Variants in GRHL3 observed in about 807,000 individuals in gnomAD.
GRHL3 encodes grainyhead like transcription factor 3.
GRHL3 carries 20 observed loss-of-function variants against 70.3 expected under a neutral mutation model. The observed-to-expected ratio is 0.28, with a 90% CI of 0.20 to 0.41. The LOEUF (loss-of-function observed/expected upper bound fraction) is 0.41. Among genes scored for constraint, GRHL3 ranks in the 10% least tolerant of loss-of-function variants. The pLI, the probability that GRHL3 is intolerant of heterozygous loss-of-function variation, is 1.00. For missense variants in GRHL3, 637 were observed against 762.3 expected, an observed-to-expected ratio of 0.84 and a Z score of 1.94; for synonymous variants, 299 against 299.9, an observed-to-expected ratio of 1.00 and a Z score of 0.03.
intron 8 of GRHL3, among the ~76,000 whole-genome samples, chr1:24,340,206 C>T (rs192846882): frequency 2.0e-4 from 30 of 152,260 alleles, no homozygotes; most frequent in Middle Eastern, 6.8e-3. Flanking sequence ...ACTGGGGGCA[C>T]CCACGTTTCC....
Position 24,342,975 on chromosome 1 carries a change from G to A in GRHL3, c.1369G>A (p.Val457Met), listed in dbSNP as rs775989901. 1.4e-4 allele frequency: 227 copies of A among 1,613,982 alleles called. No homozygotes were observed. Among genetic ancestry groups the A allele is most frequent in the Non-Finnish European group, 1.7e-4 (206 of 1,180,036 alleles). The part of the protein sequence containing the change: ...RPETDLETPP[V>M]LFIPNVHFSS... ...AGAGACTGACCTGGAGACGCCACCC[G>A]TGCTGTTCATCCCCAATGTGCACTT... The change falls in exon 11 of 16, where the codon GTG (valine) becomes ATG (methionine). Residue 457 changes from valine (V) to methionine (M), a missense_variant. Physicochemically the swap from Val to Met is conservative, Grantham distance 21. Coordinates refer to ENST00000361548, the MANE Select transcript of GRHL3 (RefSeq NM_198173.3). This position sits in a 1 kb window ranked among gnomAD's most constrained non-coding sequence, Gnocchi z 4.8.
chr1:24,339,496 G>C (rs1478732664), intron 7 of GRHL3, among the ~76,000 whole-genome samples, 172 bp from the exon 8 acceptor site: 3 of 151,934 alleles, frequency 2.0e-5, no homozygotes, highest in Admixed American at 2.0e-4. Flanking sequence ...AGCCAGGATG[G>C]TCTCCATCTC....
In GRHL3 at chr1:24,322,803, G is replaced by A. The variant is rs548090587; in HGVS notation, c.17+3235G>A. 6.6e-6 allele frequency among the ~76,000 whole-genome samples: 1 copy of A among 152,342 alleles called. No homozygotes were observed. The highest frequency in any genetic ancestry group is 2.4e-5 in the African/African-American group (1 of 41,586). ...AAATGACAGCCAACATTTATGGAGCGCTGACTCCGCATCTGACATTGTGTC... is the reference window on the plus strand; with the variant it reads ...AAATGACAGCCAACATTTATGGAGCACTGACTCCGCATCTGACATTGTGTC... On this transcript the variant is annotated intron_variant, in intron 1 of 15. Coordinates refer to ENST00000361548, the MANE Select transcript of GRHL3 (RefSeq NM_198173.3). The surrounding 1 kb of genome is among the most constrained non-coding windows in gnomAD (Gnocchi z 4.4).
At position 24,334,740 on chromosome 1, in the gene GRHL3, C is replaced by T; in HGVS notation, c.266+34C>T. The T allele has an allele frequency of 1.3e-6, 2 of 1,568,180 alleles. No homozygotes were observed. Among genetic ancestry groups the T allele is most frequent in the South Asian group, 2.3e-5 (2 of 87,112 alleles). On this transcript the variant is annotated intron_variant, in intron 3 of 15. Coordinates refer to ENST00000361548, the MANE Select transcript of GRHL3 (RefSeq NM_198173.3). The surrounding 1 kb of genome is among the most constrained non-coding windows in gnomAD (Gnocchi z 4.3). Reference sequence around the variant, plus strand: ...TGCCAACACCCTCTGCCTCTTTGCCCTTCCCCACCTCCACCTGGAGCCTCT... The same window carrying T: ...TGCCAACACCCTCTGCCTCTTTGCCTTTCCCCACCTCCACCTGGAGCCTCT...
chr1:24,326,569 A>G (rs886989267), intron 1 of GRHL3, among the ~76,000 whole-genome samples: 14 of 152,290 alleles, frequency 9.2e-5, no homozygotes, highest in African/African-American at 2.4e-4. Context: ...ACTGCCACTA[A>G]AATGCAACCT....
intron 15 of GRHL3, among the ~76,000 whole-genome samples, chr1:24,353,485 G>T (rs1640595451): frequency 6.8e-6 from 1 of 147,796 alleles, no homozygotes; most frequent in Non-Finnish European, 1.5e-5. Context: ...GTAGTAGAGG[G>T]TAGATGGGGG....
chr1:24,362,647 T>C (rs1419838460), intron 15 of GRHL3, among the ~76,000 whole-genome samples: 1 of 152,168 alleles, frequency 6.6e-6, no homozygotes, highest in Non-Finnish European at 1.5e-5. Flanking sequence ...TCAGCATCAA[T>C]GTGTGCTGCT....
chr1:24,319,366 C>T lies in GRHL3; in HGVS notation c.-186C>T. 1.5e-6 allele frequency: 1 copy of T among 680,160 alleles called. No homozygotes were observed. Among genetic ancestry groups the T allele is most frequent in the Non-Finnish European group, 2.7e-6 (1 of 376,906 alleles). 42.1% of individuals were successfully genotyped at this position (680,160 alleles called of 1,614,324 possible). On this transcript the variant is annotated 5_prime_UTR_variant, in exon 1 of 16. Coordinates refer to ENST00000361548, the MANE Select transcript of GRHL3 (RefSeq NM_198173.3). ...GTTGAGGTATACCTCCAGTCGCCGG[C>T]ACCTGTACCTGTAGCCAATCAGCGC...
In GRHL3 at chr1:24,347,538, G is replaced by A; in HGVS notation, c.1614G>A (p.Lys538=). The A allele has an allele frequency of 6.2e-7, 1 of 1,613,966 alleles. No individual in the cohort carries two copies. The highest frequency in any genetic ancestry group is 8.5e-7 in the Non-Finnish European group (1 of 1,179,804). The change falls in exon 14 of 16, where the codon AAG becomes AAA. Residue 538 remains lysine, a synonymous_variant. Coordinates refer to ENST00000361548, the MANE Select transcript of GRHL3 (RefSeq NM_198173.3). ...TCATGTTGAAGACCCCAGACCTGAA[G>A]GGGCTGAGGAATGCGGTAAGCTGCC... is the stretch of plus-strand genomic sequence containing the variant. ...DALMLKTPDL[K]GLRNAISEKY... is the part of the protein sequence containing the mutation.
chr1:24,326,090 C>T (rs1379517687), intron 1 of GRHL3, among the ~76,000 whole-genome samples: 1 of 152,198 alleles, frequency 6.6e-6, no homozygotes, highest in African/African-American at 2.4e-5. Context: ...GAGGTGATGA[C>T]AGATGTATGA....
intron 1 of GRHL3, among the ~76,000 whole-genome samples, chr1:24,330,242 T>C (rs535978335): frequency 6.6e-6 from 1 of 152,362 alleles, no homozygotes; most frequent in East Asian, 1.9e-4. Context: ...TCTACTCTTC[T>C]AGATATCCTG....
At chr1:24,329,897 G>A (rs1229503564) in intron 1 of GRHL3, among the ~76,000 whole-genome samples, 1 of 152,098 alleles carries the variant, frequency 6.6e-6, no homozygotes, top group Non-Finnish European at 1.5e-5. Context: ...CTGCTTCTAT[G>A]CCTTTGTTTG....
intron 11 of GRHL3, 49 bp from the exon 12 acceptor site, chr1:24,344,846 CCT>C: frequency 6.2e-7 from 1 of 1,608,700 alleles, no homozygotes; most frequent in Non-Finnish European, 8.5e-7. Context: ...GCCAGGGGCT[CCT>C]CTCATTTTCC....
In GRHL3 at chr1:24,345,308, C is replaced by T. The variant is rs75473291; in HGVS notation, c.1454+377C>T. On this transcript the variant is annotated intron_variant, in intron 12 of 15. Coordinates refer to ENST00000361548, the MANE Select transcript of GRHL3 (RefSeq NM_198173.3). Reference sequence around the variant, plus strand: ...CACCTGTGCCTCCGCCACACCTGTACCCCCTCTACACCTGTGCCCTCTGTA... The same window carrying T: ...CACCTGTGCCTCCGCCACACCTGTATCCCCTCTACACCTGTGCCCTCTGTA... 6.2e-3 allele frequency among the ~76,000 whole-genome samples: 864 copies of T among 139,922 alleles called. 9 individuals carry two copies. The highest frequency in any genetic ancestry group is 0.015 in the Admixed American group (202 of 13,870). The allele number at this position is 139,922 out of a possible 152,430, so 91.8% of individuals were successfully genotyped here. A position where few individuals can be genotyped will look rare whatever the true frequency, so the allele number is the denominator to read the frequency against.
intron 15 of GRHL3, chr1:24,360,844 C>A: frequency 2.5e-6 from 4 of 1,604,560 alleles, no homozygotes; most frequent in Non-Finnish European, 3.4e-6. Context: ...TAAAACAATC[C>A]TCTGACCTGG....
intron 12 of GRHL3, 109 bp downstream of exon 12, chr1:24,345,040 GCC>G: frequency 1.4e-6 from 1 of 737,432 alleles, no homozygotes; most frequent in Non-Finnish European, 1.9e-6. Context: ...CTACACCTGT[GCC>G]CCCTCCACAC....
downstream of GRHL3, chr1:24,357,053 C>A (rs1640757539): frequency 7.7e-6 from 1 of 129,376 alleles, no homozygotes; most frequent in South Asian, 2.6e-4. Flanking sequence ...AAGGCCCCCC[C>A]CCCCAAAAAA....
intron 5 of GRHL3, 139 bp from the exon 6 acceptor site, chr1:24,337,496 TG>T: frequency 1.2e-6 from 1 of 864,480 alleles, no homozygotes; most frequent in Non-Finnish European, 1.8e-6. Flanking sequence ...TTGAGGAAAC[TG>T]GGGCCCAAGG....
At chr1:24,332,984 T>C (rs572371154) in intron 2 of GRHL3, among the ~76,000 whole-genome samples, 1 of 152,274 alleles carries the variant, frequency 6.6e-6, no homozygotes, top group South Asian at 2.1e-4. Context: ...CTTGGGGCCA[T>C]GGTAGGAGCC....
Sources: gnomAD v4.1 joint callset for allele counts (sites outside exome capture counted in the v4.1 genomes callset) on GRCh38, gnomAD v4.1.1 for gene constraint, Gnocchi (gnomAD v3.1) non-coding constraint, MANE v1.5 for transcripts, NCBI Gene and HGNC (gene_info 2026-07-23, HGNC 2026-07-21) for gene names.